The following HM13 variants were observed in gnomAD, a reference collection of about 807,000 sequenced individuals.
HM13 encodes signal peptide peptidase.
HM13 carries 18 observed loss-of-function variants against 50.0 expected under a neutral mutation model. The ratio of observed to expected loss-of-function variants is 0.36; its 90% CI spans 0.25 to 0.53. The LOEUF (loss-of-function observed/expected upper bound fraction) is 0.53, where lower values mean the gene tolerates loss of function less well. HM13 is among the 20% of genes least tolerant of loss of function. The pLI is 0.90. For synonymous variants in HM13, 197 were observed against 232.6 expected (o/e 0.85, Z 1.39); for missense variants, 393 against 552.4 (o/e 0.71, Z 2.89).
intron 1 of HM13, among the ~76,000 whole-genome samples, chr20:31,526,408 C>T (rs1454870263): frequency 3.3e-5 from 5 of 152,160 alleles, no homozygotes; most frequent in African/African-American, 2.4e-5. Context: ...CCACCCGCCT[C>T]GGCCTCCCAA....
intron 1 of HM13, among the ~76,000 whole-genome samples, chr20:31,518,510 G>A (rs1313461322): frequency 6.6e-6 from 1 of 151,404 alleles, no homozygotes; most frequent in African/African-American, 2.4e-5. Context: ...GCTTTGTGTG[G>A]TGGGGCACGC....
intron 1 of HM13, among the ~76,000 whole-genome samples, chr20:31,516,697 G>A (rs987734811): frequency 6.6e-6 from 1 of 152,150 alleles, no homozygotes; most frequent in African/African-American, 2.4e-5. Context: ...GGAACAGAGG[G>A]TATGGATAGG....
At position 31,569,250 on chromosome 20, in the gene HM13, G is replaced by C; in HGVS notation, c.*31G>C. The C allele has an allele frequency of 7.0e-7, 1 of 1,437,154 alleles. No individual in the cohort carries two copies. The allele number at this position is 1,437,154 out of a possible 1,614,324, so 89.0% of individuals were successfully genotyped here. Reference sequence around the variant, plus strand: ...CTGGTGCCCGAGCCTCTCAGGGCCAGACCAGACAGATGGGGGCTGGGCCCA... The same window carrying C: ...CTGGTGCCCGAGCCTCTCAGGGCCACACCAGACAGATGGGGGCTGGGCCCA... On this transcript the variant is annotated 3_prime_UTR_variant, in exon 13 of 13. Transcript: ENST00000398174.
chr20:31,536,048 G>A (rs937637328), intron 2 of HM13, among the ~76,000 whole-genome samples: 2 of 151,812 alleles, frequency 1.3e-5, no homozygotes, highest in African/African-American at 2.4e-5. Flanking sequence ...CCCTTCACAC[G>A]TCTTGCAGCT....
intron 2 of HM13, among the ~76,000 whole-genome samples, chr20:31,536,504 C>T (rs1983114890): frequency 6.6e-6 from 1 of 152,160 alleles, no homozygotes; most frequent in Non-Finnish European, 1.5e-5. Context: ...GTCTTCTACA[C>T]AGCAGCAGAG....
intron 3 of HM13, chr20:31,538,622 C>T (rs925330643): frequency 2.5e-6 from 3 of 1,211,530 alleles, no homozygotes; most frequent in Non-Finnish European, 3.1e-6. Flanking sequence ...ATGTTGGGCT[C>T]CTCACACATG....
chr20:31,542,761 G>T (rs1419638923), intron 3 of HM13, among the ~76,000 whole-genome samples: 1 of 152,178 alleles, frequency 6.6e-6, no homozygotes, highest in Non-Finnish European at 1.5e-5. Flanking sequence ...TGAAGCTGCA[G>T]TTAAGTTTAT....
At chr20:31,545,703 T>C (rs899270678) in intron 4 of HM13, among the ~76,000 whole-genome samples, 19 of 152,232 alleles carry the variant, frequency 1.2e-4, no homozygotes, top group Admixed American at 3.9e-4. Flanking sequence ...AGATTATCAA[T>C]GCTTGACCAA....
intron 3 of HM13, among the ~76,000 whole-genome samples, chr20:31,544,710 C>G (rs1167750790): frequency 6.6e-6 from 1 of 152,218 alleles, no homozygotes; most frequent in African/African-American, 2.4e-5. Flanking sequence ...GTAGAGAAAT[C>G]ACTATGAGTG....
rs1053093077 is a variant in HM13 at position 31,569,328 on chromosome 20, G to C, written c.*109G>C. The C allele has an allele frequency of 1.5e-5, 10 of 677,014 alleles. No homozygotes were observed. The highest frequency in any genetic ancestry group is 2.3e-5 in the Non-Finnish European group (9 of 391,918). 41.9% of individuals were successfully genotyped at this position (677,014 alleles called of 1,614,324 possible). The stretch of plus-strand genomic sequence containing the variant: ...GGAGGCCAAGGGCAGCTCCAGGACA[G>C]GGCAGGGGGCAGCAGGATACCTCCA... On this transcript the variant is annotated 3_prime_UTR_variant, in exon 13 of 13. Transcript: ENST00000398174.
intron 2 of HM13, among the ~76,000 whole-genome samples, chr20:31,533,957 A>G (rs551759893): frequency 6.6e-6 from 1 of 152,246 alleles, no homozygotes; most frequent in South Asian, 2.1e-4. Flanking sequence ...GTAGTTCACA[A>G]TAACTTTAAA....
At chr20:31,524,759 G>A (rs970679310) in intron 1 of HM13, among the ~76,000 whole-genome samples, 7 of 146,970 alleles carry the variant, frequency 4.8e-5, no homozygotes, top group African/African-American at 1.5e-4. Context: ...TGTCGCCCAG[G>A]CTGGAATGCA....
chr20:31,563,438 C>T (rs1322797541), intron 10 of HM13: 1 of 152,404 alleles, frequency 6.6e-6, no homozygotes, highest in Admixed American at 6.5e-5. Flanking sequence ...ATTCTCCTGC[C>T]TCAGCCTCCC....
intron 7 of HM13, among the ~76,000 whole-genome samples, chr20:31,552,766 GAAAA>G (rs1984097500): frequency 6.6e-6 from 1 of 152,204 alleles, no homozygotes; most frequent in African/African-American, 2.4e-5. Context: ...GATTGAGAGA[GAAAA>G]TCTGTAAATC....
At chr20:31,525,433 C>G (rs1982429041) in intron 1 of HM13, among the ~76,000 whole-genome samples, 1 of 152,128 alleles carries the variant, frequency 6.6e-6, no homozygotes, top group Non-Finnish European at 1.5e-5. Context: ...TGAATGTGAT[C>G]CCTTCTTCTA....
At chr20:31,537,484 C>T (rs556642832) in intron 2 of HM13, among the ~76,000 whole-genome samples, 2 of 152,354 alleles carry the variant, frequency 1.3e-5, no homozygotes, top group Admixed American at 1.3e-4. Context: ...CTTATTCCCT[C>T]CAGGTTAGAG....
At chr20:31,566,154 G>A (rs1293422207) in intron 10 of HM13, 56 bp from the exon 11 acceptor site, 25 of 1,353,236 alleles carry the variant, frequency 1.8e-5, no homozygotes, top group East Asian at 2.3e-5. Context: ...TGCTGGGCAC[G>A]GCCCTGAGGC....
intron 10 of HM13, among the ~76,000 whole-genome samples, chr20:31,562,186 C>G (rs1404235715): frequency 6.6e-6 from 1 of 152,152 alleles, no homozygotes; most frequent in Non-Finnish European, 1.5e-5. Context: ...GTAGACCAGG[C>G]TCTGCCTCCT....
chr20:31,520,775 G>A (rs964120598), intron 1 of HM13, among the ~76,000 whole-genome samples: 2 of 152,212 alleles, frequency 1.3e-5, no homozygotes, highest in African/African-American at 4.8e-5. Context: ...GTTAGGAAAG[G>A]TAACCTTGGA....
Sources: allele counts gnomAD v4.1 joint callset (sites outside exome capture counted in the v4.1 genomes callset), GRCh38; gene constraint gnomAD v4.1.1; transcripts MANE v1.5; gene names NCBI Gene and HGNC (gene_info 2026-07-23, HGNC 2026-07-21).